ABCG1: variants seen among roughly 807,000 people sequenced by gnomAD.
ABCG1 encodes the protein ATP binding cassette subfamily G member 1, also known as ATP-binding cassette sub-family G member 1.
ABCG1 carries 29 observed loss-of-function variants against 69.2 expected under a neutral mutation model. The ratio of observed to expected loss-of-function variants is 0.42; its 90% CI spans 0.31 to 0.57. ABCG1 has a LOEUF of 0.57. Among genes scored for constraint, ABCG1 ranks in the 20% least tolerant of loss-of-function variants. The probability of loss-of-function intolerance (pLI) is 0.15; values close to 1 mark genes in which losing one functional copy is unlikely to be tolerated. For missense variants in ABCG1, 718 were observed against 898.1 expected (o/e 0.80, Z 2.56); for synonymous variants, 370 against 374.8 (o/e 0.99, Z 0.15).
Position 42,288,031 on chromosome 21 carries a change from T to C in ABCG1, c.1116T>C (p.Ser372=), listed in dbSNP as rs936413065. Residue 372 remains serine, a synonymous_variant, in exon 9 of 15, where the codon TCT becomes TCC. Coordinates refer to ENST00000398449, the MANE Select transcript of ABCG1 (RefSeq NM_016818.3). The surrounding 1 kb of genome is among the most constrained non-coding windows in gnomAD (Gnocchi z 4.8). The part of the protein sequence containing the change: ...EVNPFLWHRP[S]EEDSSSMEGC... The stretch of plus-strand genomic sequence containing the variant: ...ACCCTTTTCTTTGGCACCGGCCCTC[T>C]GAAGAGGTAAAGCAGACAAAACGAT... 8 of 1,610,518 alleles carry C rather than the reference T, an allele frequency of 5.0e-6. No homozygotes were observed. The African/African-American group carries it at 6.7e-5, about 13-fold the overall frequency.
intron 5 of ABCG1, among the ~76,000 whole-genome samples, chr21:42,277,638 T>C (rs1192665954): frequency 6.6e-6 from 1 of 152,200 alleles, no homozygotes; most frequent in Non-Finnish European, 1.5e-5. Context: ...CTGGTGGGAT[T>C]TTCAGTGTGA....
At chr21:42,251,057 G>A (rs1601393361) in intron 2 of ABCG1, among the ~76,000 whole-genome samples, 1 of 152,060 alleles carries the variant, frequency 6.6e-6, no homozygotes, top group African/African-American at 2.4e-5. Context: ...CATACCCTGT[G>A]AGGAGCTAGG....
Position 42,294,668 on chromosome 21 carries a change from G to C in ABCG1, c.1772+8G>C. 6.2e-7 allele frequency: 1 copy of C among 1,611,942 alleles called. No individual in the cohort carries two copies. Among genetic ancestry groups the C allele is most frequent in the Non-Finnish European group, 8.5e-7 (1 of 1,178,004 alleles). The stretch of plus-strand genomic sequence containing the variant: ...CTACATCTCCTATGTCAGGTAGCGG[G>C]CGTGGGGCACGCATGGCGTGGGGAC... On this transcript the variant is annotated splice_region_variant and intron_variant, in intron 14 of 14. Transcript: ENST00000398449.
chr21:42,292,459 G>A (rs533131169), intron 13 of ABCG1, among the ~76,000 whole-genome samples: 90 of 152,160 alleles, frequency 5.9e-4, no homozygotes, highest in African/African-American at 2.1e-3. Flanking sequence ...CAGCCCCAGT[G>A]CACCTGCTCA....
At chr21:42,256,656 C>T (rs1405401704) in intron 2 of ABCG1, 3 of 1,466,230 alleles carry the variant, frequency 2.0e-6, no homozygotes, top group Non-Finnish European at 2.7e-6. Flanking sequence ...TCCCACCAGG[C>T]AGCCCTTTCT....
Position 42,258,383 on chromosome 21 carries a change from CTCCCTCCATCCT to C in ABCG1, c.287-12675_287-12664del, listed in dbSNP as rs1394194539. On this transcript the variant is annotated intron_variant, in intron 2 of 14. Transcript: ENST00000398449. ...CCTCCCTCCATCCCTCTTTCCATCT[CTCCCTCCATCCT>C]TCCCTCCATCCCACCTTCCATATCC... is the stretch of plus-strand genomic sequence containing the variant. 6.1e-5 allele frequency among the ~76,000 whole-genome samples: 9 copies of C among 148,584 alleles called. No individual in the cohort carries two copies. In the East Asian group the frequency reaches 1.8e-3, roughly 30 times the overall value.
intron 2 of ABCG1, among the ~76,000 whole-genome samples, chr21:42,233,058 TG>T (rs1439491694): frequency 2.0e-5 from 3 of 152,226 alleles, no homozygotes; most frequent in African/African-American, 7.2e-5. Context: ...ATGTACCCAG[TG>T]CCGACTGTTT....
intron 2 of ABCG1, among the ~76,000 whole-genome samples, chr21:42,233,694 T>A (rs2067933847): frequency 6.6e-6 from 1 of 152,220 alleles, no homozygotes; most frequent in Non-Finnish European, 1.5e-5. Flanking sequence ...AAGAAGCACA[T>A]GGCCCTTGCA....
At chr21:42,205,502 G>A (rs1439094533) in intron 2 of ABCG1, among the ~76,000 whole-genome samples, 1 of 151,868 alleles carries the variant, frequency 6.6e-6, no homozygotes, top group Non-Finnish European at 1.5e-5. Flanking sequence ...GGAGGCTGAA[G>A]CAGGAGAATT....
At chr21:42,238,322 G>A (rs556626708) in intron 2 of ABCG1, among the ~76,000 whole-genome samples, 10 of 152,236 alleles carry the variant, frequency 6.6e-5, no homozygotes, top group African/African-American at 1.4e-4. Flanking sequence ...TGGGGATTTC[G>A]AATCTCAACA....
At chr21:42,210,216 C>A (rs1794061009) in intron 2 of ABCG1, among the ~76,000 whole-genome samples, 1 of 152,160 alleles carries the variant, frequency 6.6e-6, no homozygotes, top group South Asian at 2.1e-4. Context: ...GGTTGTGTAT[C>A]TTTTCCAGAA....
intron 13 of ABCG1, among the ~76,000 whole-genome samples, chr21:42,292,024 G>A (rs896738266): frequency 7.9e-5 from 12 of 152,090 alleles, no homozygotes; most frequent in African/African-American, 2.7e-4. Flanking sequence ...CAGCTGACTC[G>A]GGAGCCAAGC....
At chr21:42,259,865 C>T (rs2068375030) in intron 2 of ABCG1, 1 of 1,428,114 alleles carries the variant, frequency 7.0e-7, no homozygotes. Context: ...GAGAGAGAGG[C>T]CAATGGCAAA....
At chr21:42,221,686 A>T (rs1446007867) in intron 1 of ABCG1, among the ~76,000 whole-genome samples, 3 of 152,168 alleles carry the variant, frequency 2.0e-5, no homozygotes, top group Non-Finnish European at 4.4e-5. Context: ...TGTGCTTAGG[A>T]TGCTTAGGCA....
intron 2 of ABCG1, among the ~76,000 whole-genome samples, chr21:42,264,369 C>G (rs1473356419): frequency 6.6e-6 from 1 of 152,226 alleles, no homozygotes; most frequent in Admixed American, 6.5e-5. Flanking sequence ...ATCTGTTCAT[C>G]CATCCATCTG....
chr21:42,235,077 C>A (rs546437210), intron 2 of ABCG1, among the ~76,000 whole-genome samples: 44 of 152,192 alleles, frequency 2.9e-4, no homozygotes, highest in African/African-American at 1.0e-3. Flanking sequence ...CCATGCAAAT[C>A]CCGGCGCCCC....
Position 42,296,556 on chromosome 21 carries a change from C to A in ABCG1, c.*164C>A. On this transcript the variant is annotated 3_prime_UTR_variant, in exon 15 of 15. Transcript: ENST00000398449. This position sits in a 1 kb window ranked among gnomAD's most constrained non-coding sequence, Gnocchi z 5.4. ...GTGTCTCGTGCTCAGCCACTCTGCCCAGCTGGGTTGGATCTTCTCTCCATT... is the reference window on the plus strand; with the variant it reads ...GTGTCTCGTGCTCAGCCACTCTGCCAAGCTGGGTTGGATCTTCTCTCCATT... 1 of 632,228 alleles carries A rather than the reference C, an allele frequency of 1.6e-6. No homozygotes were observed. The highest frequency in any genetic ancestry group is 2.8e-6 in the Non-Finnish European group (1 of 355,736). 39.2% of individuals were successfully genotyped at this position (632,228 alleles called of 1,614,324 possible).
At chr21:42,282,539 CGGCGGTT>C in intron 6 of ABCG1, 120 bp downstream of exon 6, 1 of 1,221,206 alleles carries the variant, frequency 8.2e-7, no homozygotes, top group Non-Finnish European at 1.1e-6. Context: ...TGAGCTCACC[CGGCGGTT>C]CCTCCTTCCA....
rs376865022 is a variant in ABCG1 at position 42,296,114 on chromosome 21, C to T, written c.1773-50C>T. ...AACGACATTGACCTTCAGCCAACGG[C>T]GTGGCTGGCTGGGAGAACGTCCTCC... On this transcript the variant is annotated intron_variant, in intron 14 of 14. Coordinates refer to ENST00000398449, the MANE Select transcript of ABCG1 (RefSeq NM_016818.3). This position sits in a 1 kb window ranked among gnomAD's most constrained non-coding sequence, Gnocchi z 5.4. The T allele has an allele frequency of 4.9e-4, 746 of 1,516,374 alleles. 4 individuals carry two copies. The highest frequency in any genetic ancestry group is 5.0e-4 in the Non-Finnish European group (547 of 1,091,750). The allele number at this position is 1,516,374 out of a possible 1,614,324, so 93.9% of individuals were successfully genotyped here.
Sources: gnomAD v4.1 joint callset for allele counts (sites outside exome capture counted in the v4.1 genomes callset) on GRCh38, gnomAD v4.1.1 for gene constraint, Gnocchi (gnomAD v3.1) non-coding constraint, MANE v1.5 for transcripts, NCBI Gene and HGNC (gene_info 2026-07-23, HGNC 2026-07-21) for gene names.